VWA3B: variants seen among roughly 807,000 people sequenced by gnomAD.
VWA3B encodes the protein von Willebrand factor A domain-containing protein 3B.
A neutral mutation model predicts 158.3 loss-of-function variants in VWA3B; 138 were observed. The ratio of observed to expected loss-of-function variants is 0.87; its 90% CI spans 0.76 to 1.00. VWA3B has a LOEUF of 1.00. Ranked by LOEUF, VWA3B falls within the 50% of genes least tolerant of loss-of-function variation. The probability of loss-of-function intolerance (pLI) is 0.00; values close to 1 mark genes in which losing one functional copy is unlikely to be tolerated. For missense variants in VWA3B, 1,555 were observed against 1,565.1 expected, an observed-to-expected ratio of 0.99 and a Z score of 0.11; for synonymous variants, 596 against 587.3, an observed-to-expected ratio of 1.01 and a Z score of -0.21.
rs191943460 is a variant in VWA3B, at chr2:98,222,075, C to A, written c.2019+4047C>A. On this transcript the variant is annotated intron_variant, in intron 14 of 27. Coordinates refer to ENST00000477737, the MANE Select transcript of VWA3B (RefSeq NM_144992.5). ...GAAAGTGTGAAACAGGACTAGCCCC[C>A]ACGGTGGTCCTCCCCATAATGTCAG... Among the ~76,000 whole-genome samples, 77 of 152,188 alleles carry A rather than the reference C, an allele frequency of 5.1e-4. 1 individual carries two copies. The highest frequency in any genetic ancestry group is 6.0e-4 in the Non-Finnish European group (41 of 68,002).
At position 98,192,980 on chromosome 2, in the gene VWA3B, C is replaced by T. The variant is rs1681725681; in HGVS notation, c.1549C>T (p.His517Tyr). 6.2e-7 allele frequency: 1 copy of T among 1,614,024 alleles called. No individual in the cohort carries two copies. Among genetic ancestry groups the T allele is most frequent in the African/African-American group, 1.3e-5 (1 of 74,916 alleles). The change falls in exon 11 of 28, where the codon CAC becomes TAC. Residue 517 changes from histidine to tyrosine, a missense_variant. By Grantham distance (83) the His-to-Tyr change is moderately conservative. Coordinates refer to ENST00000477737, the MANE Select transcript of VWA3B (RefSeq NM_144992.5). ...DCIYILIDTS[H>Y]SMKSKLDLVK... is the part of the protein sequence containing the mutation. ...CATCTACATTCTCATTGACACGTCT[C>T]ACTCAATGAAGAGCAAACTGGACTT...
chr2:98,163,290 A>C (rs1183438099), intron 8 of VWA3B, among the ~76,000 whole-genome samples: 5 of 152,208 alleles, frequency 3.3e-5, no homozygotes, highest in Non-Finnish European at 7.4e-5. Context: ...CTGTTACCCC[A>C]GCACTTTGGG....
At chr2:98,166,153 A>G (rs1194592508) in intron 8 of VWA3B, among the ~76,000 whole-genome samples, 1 of 152,186 alleles carries the variant, frequency 6.6e-6, no homozygotes, top group Non-Finnish European at 1.5e-5. Context: ...CCTGGTCAAC[A>G]TGGCAAAACC....
chr2:98,179,687 C>CTT (rs1258284875), intron 8 of VWA3B, among the ~76,000 whole-genome samples: 1 of 151,468 alleles, frequency 6.6e-6, no homozygotes, highest in Non-Finnish European at 1.5e-5. Context: ...TTCTTTCTTT[C>CTT]TCTTCCTTTC....
chr2:98,163,112 G>A, intron 8 of VWA3B, 136 bp downstream of exon 8: 1 of 1,396,138 alleles, frequency 7.2e-7, no homozygotes, highest in Non-Finnish European at 9.7e-7. Context: ...AGCAGCCAGA[G>A]CTGTGTGGGG....
At chr2:98,215,139 T>C (rs989698582) in intron 13 of VWA3B, among the ~76,000 whole-genome samples, 3 of 152,058 alleles carry the variant, frequency 2.0e-5, no homozygotes, top group African/African-American at 7.2e-5. Context: ...GAATCAAGGA[T>C]ATGGATAATA....
chr2:98,102,825 G>A (rs561175641), intron 2 of VWA3B, among the ~76,000 whole-genome samples: 131 of 152,130 alleles, frequency 8.6e-4, no homozygotes, highest in Non-Finnish European at 1.6e-3. Flanking sequence ...TGATACAACT[G>A]ACAAGTGAAA....
intron 23 of VWA3B, chr2:98,291,927 G>A (rs570315891): frequency 6.6e-6 from 1 of 151,348 alleles, no homozygotes; most frequent in East Asian, 2.0e-4. Flanking sequence ...AGAAAACCCT[G>A]AGGAAGCTCT....
chr2:98,178,692 G>T (rs933721202), intron 8 of VWA3B, among the ~76,000 whole-genome samples: 2 of 152,164 alleles, frequency 1.3e-5, no homozygotes, highest in Non-Finnish European at 2.9e-5. Context: ...GCACAATACA[G>T]TTGCCTGGGG....
At chr2:98,211,450 A>T (rs1683497428) in intron 12 of VWA3B, among the ~76,000 whole-genome samples, 1 of 152,216 alleles carries the variant, frequency 6.6e-6, no homozygotes. Context: ...ATTGCTAAAA[A>T]CAGAACTTGT....
intron 12 of VWA3B, among the ~76,000 whole-genome samples, chr2:98,205,219 A>G (rs1251436934): frequency 1.3e-5 from 2 of 152,164 alleles, no homozygotes; most frequent in South Asian, 4.2e-4. Context: ...TAACCATAGA[A>G]CTATTCAGGT....
At chr2:98,122,929 C>G (rs1028486448) in intron 5 of VWA3B, among the ~76,000 whole-genome samples, 2 of 152,186 alleles carry the variant, frequency 1.3e-5, no homozygotes, top group Admixed American at 6.5e-5. Context: ...GAGAAGAGAC[C>G]GTGGAGCAGC....
intron 19 of VWA3B, among the ~76,000 whole-genome samples, chr2:98,249,414 G>T (rs963049025): frequency 2.6e-5 from 4 of 152,170 alleles, no homozygotes; most frequent in African/African-American, 9.7e-5. Context: ...TGGAAAAAAA[G>T]ATTGAAGGAG....
At chr2:98,166,188 T>C (rs1234705317) in intron 8 of VWA3B, among the ~76,000 whole-genome samples, 2 of 152,012 alleles carry the variant, frequency 1.3e-5, no homozygotes, top group African/African-American at 4.8e-5. Flanking sequence ...AATACAAAAA[T>C]TAGCCAGGTG....
intron 20 of VWA3B, among the ~76,000 whole-genome samples, chr2:98,251,361 G>A (rs1342747291): frequency 1.3e-5 from 2 of 152,038 alleles, no homozygotes; most frequent in Non-Finnish European, 2.9e-5. Flanking sequence ...TGAGATAATG[G>A]AAATAACGGC....
At chr2:98,202,705 C>A (rs932125346) in intron 12 of VWA3B, among the ~76,000 whole-genome samples, 8 of 152,034 alleles carry the variant, frequency 5.3e-5, no homozygotes. Context: ...AATCTTAGAT[C>A]CTGAAGATGT....
Position 98,209,571 on chromosome 2 carries a change from C to T in VWA3B, c.1738-2359C>T, listed in dbSNP as rs146792322. Among the ~76,000 whole-genome samples, 551 of 152,294 alleles carry T rather than the reference C, an allele frequency of 3.6e-3. 4 individuals carry two copies. The highest frequency in any genetic ancestry group is 0.012 in the African/African-American group (519 of 41,572). On this transcript the variant is annotated intron_variant, in intron 12 of 27. Transcript: ENST00000477737. ...CTGGGATTACAGGCGTGAGCCACCG[C>T]GCCCAGGCAAAATTTGGGGTTTTTT...
chr2:98,105,229 CATTT>C (rs1450427541), intron 2 of VWA3B, among the ~76,000 whole-genome samples: 3 of 152,276 alleles, frequency 2.0e-5, no homozygotes, highest in Admixed American at 1.3e-4. Context: ...TTCACCTGCA[CATTT>C]ATTTATTTAC....
intron 14 of VWA3B, among the ~76,000 whole-genome samples, chr2:98,219,896 C>T (rs560614493): frequency 9.9e-5 from 15 of 152,166 alleles, no homozygotes; most frequent in African/African-American, 3.6e-4. Context: ...GGTGCAGTGG[C>T]TCACACCTGT....
Sources: gnomAD v4.1 joint callset for allele counts (sites outside exome capture counted in the v4.1 genomes callset) on GRCh38, gnomAD v4.1.1 for gene constraint, MANE v1.5 for transcripts, NCBI Gene and HGNC (gene_info 2026-07-23, HGNC 2026-07-21) for gene names.